Variants in TMEM200C observed in about 807,000 individuals in gnomAD.
TMEM200C encodes transmembrane protein TTMA.
For missense variants in TMEM200C, 966 were observed against 699.9 expected (o/e 1.38, Z -4.29); for synonymous variants, 462 against 324.7 (o/e 1.42, Z -4.55).
At chr18:5,895,055 C>A (rs1305504731) in exon 2 of TMEM200C, 2 of 152,290 alleles carry the variant, frequency 1.3e-5, no homozygotes, top group African/African-American at 4.8e-5. Context: ...GAGGTCGGGG[C>A]CGGCGAACGG....
chr18:5,891,812 C>G lies in TMEM200C; in HGVS notation c.252G>C (p.Glu84Asp). The change falls in exon 3 of 3, where the codon GAG becomes GAC. Residue 84 changes from glutamate (E) to aspartate (D), a missense_variant. By Grantham distance (45) the Glu-to-Asp change is conservative. Coordinates refer to ENST00000581347, the Ensembl canonical transcript of TMEM200C. This position sits in a 1 kb window ranked among gnomAD's most constrained non-coding sequence, Gnocchi z 4.7. Reference sequence around the variant, plus strand: ...CCGCAGGCGGCAGCTGCTTACCCCCCTCCCGATTGGTCCCGGTGGCCTTGG... The same window carrying G: ...CCGCAGGCGGCAGCTGCTTACCCCCGTCCCGATTGGTCCCGGTGGCCTTGG... 6.2e-7 allele frequency: 1 copy of G among 1,605,516 alleles called. No individual in the cohort carries two copies. Among genetic ancestry groups the G allele is most frequent in the Admixed American group, 1.7e-5 (1 of 60,026 alleles).
At chr18:5,882,654 T>C (rs1414038337) in exon 3 of TMEM200C, 1 of 152,132 alleles carries the variant, frequency 6.6e-6, no homozygotes, top group African/African-American at 2.4e-5. Context: ...CGCAAACAAT[T>C]ACTTATTATT....
In TMEM200C at chr18:5,892,423, C is replaced by A. The variant is rs193186159; in HGVS notation, c.-94-266G>T. ...AAACCATCTGAGAATATGCCTTCTT[C>A]TCCTCGCTCCCCACCCATCTCCTCC... On this transcript the variant is annotated intron_variant, in intron 2 of 2. Transcript: ENST00000581347. Among the ~76,000 whole-genome samples, 7 of 152,310 alleles carry A rather than the reference C, an allele frequency of 4.6e-5. No individual in the cohort carries two copies. In the East Asian group the frequency reaches 1.4e-3, roughly 29 times the overall value.
In TMEM200C at chr18:5,891,977, C is replaced by T. The variant is rs950329444; in HGVS notation, c.87G>A (p.Arg29=). 1.2e-6 allele frequency: 2 copies of T among 1,613,888 alleles called. No homozygotes were observed. The highest frequency in any genetic ancestry group is 1.7e-6 in the Non-Finnish European group (2 of 1,179,916). Residue 29 remains arginine (R), a synonymous_variant, in exon 3 of 3, where the codon CGG becomes CGA. Coordinates refer to ENST00000581347, the Ensembl canonical transcript of TMEM200C. The surrounding 1 kb of genome is among the most constrained non-coding windows in gnomAD (Gnocchi z 4.7). Reference sequence around the variant, plus strand: ...CGTTCTTGCGCCTCTTCTTGGCTTTCCGCTTGCGCTTGGGTATCTGGCTTG... The same window carrying T: ...CGTTCTTGCGCCTCTTCTTGGCTTTTCGCTTGCGCTTGGGTATCTGGCTTG...
chr18:5,890,886 TC>T lies in TMEM200C; in HGVS notation c.1177del (p.Asp393ThrfsTer28). The T allele has an allele frequency of 4.4e-6, 3 of 682,120 alleles. No homozygotes were observed. Among genetic ancestry groups the T allele is most frequent in the African/African-American group, 3.6e-5 (2 of 54,802 alleles). 42.3% of individuals were successfully genotyped at this position (682,120 alleles called of 1,614,324 possible). The stretch of plus-strand genomic sequence containing the variant: ...CCAGCTGCAGCTCGCGCCCTCCGCG[TC>T]CCCGCCCCTATCGCGGCCCCCTTGC... On this transcript the variant is annotated frameshift_variant, in exon 3 of 3. Transcript: ENST00000581347. LOFTEE classifies it low-confidence loss of function (END_TRUNC).
In TMEM200C at chr18:5,890,239, C is replaced by T. The variant is rs372051622; in HGVS notation, c.1825G>A (p.Ala609Thr). 7 of 1,580,852 alleles carry T rather than the reference C, an allele frequency of 4.4e-6. No homozygotes were observed. The African/African-American group carries it at 6.7e-5, about 15-fold the overall frequency. ...TCCAGTTCTTCTTCTACCCCTATGGCATGAGACCTGGAAATCATGATGAGT... is the reference window on the plus strand; with the variant it reads ...TCCAGTTCTTCTTCTACCCCTATGGTATGAGACCTGGAAATCATGATGAGT... The change falls in exon 3 of 3, where the codon GCC becomes ACC. Residue 609 changes from alanine (A) to threonine (T), a missense_variant. Ala to Thr is a moderately conservative substitution (Grantham distance 58). Coordinates refer to ENST00000581347, the Ensembl canonical transcript of TMEM200C.
In TMEM200C at chr18:5,885,071, G is replaced by GT. The variant is rs1489368604; in HGVS notation, c.*5126dup. The GT allele has an allele frequency of 3.9e-5, 6 of 152,238 alleles. No homozygotes were observed. In the South Asian group the frequency reaches 1.0e-3, roughly 26 times the overall value. The allele number at this position is 152,238 out of a possible 1,614,324, so 9.4% of individuals were successfully genotyped here. Reference sequence around the variant, plus strand: ...AAAGAATATTTGCTAAGGAATAAAAGTTATTGCAATTTTTAAGACACTTTA... The same window carrying GT: ...AAAGAATATTTGCTAAGGAATAAAAGTTTATTGCAATTTTTAAGACACTTTA... On this transcript the variant is annotated 3_prime_UTR_variant, in exon 3 of 3. Transcript: ENST00000581347.
exon 3 of TMEM200C, chr18:5,888,561 T>C (rs2095167194): frequency 6.6e-6 from 1 of 152,190 alleles, no homozygotes; most frequent in Non-Finnish European, 1.5e-5. Context: ...AGGGATTAAG[T>C]GATTTGTCTA....
exon 3 of TMEM200C, chr18:5,882,769 T>C (rs1414030776): frequency 6.6e-6 from 1 of 152,076 alleles, no homozygotes; most frequent in Admixed American, 6.6e-5. Flanking sequence ...CCAAGCAAGA[T>C]TAATAAATCA....
chr18:5,882,080 G>T (rs1051079112), exon 3 of TMEM200C: 1 of 152,124 alleles, frequency 6.6e-6, no homozygotes, highest in Non-Finnish European at 1.5e-5. Context: ...CCACCATTGC[G>T]TAAACCAGTT....
exon 3 of TMEM200C, chr18:5,888,278 A>G (rs2095166914): frequency 6.6e-6 from 1 of 152,224 alleles, no homozygotes; most frequent in South Asian, 2.1e-4. Flanking sequence ...CCTTAGTGCA[A>G]ACTCACTTTT....
At chr18:5,890,542 G>A in exon 3 of TMEM200C, 1 of 1,465,302 alleles carries the variant, frequency 6.8e-7, no homozygotes, top group African/African-American at 1.4e-5. Context: ...CGCAGGGGTG[G>A]CGAGGGGGAG....
exon 3 of TMEM200C, chr18:5,887,624 T>G (rs2095166339): frequency 1.3e-5 from 2 of 152,226 alleles, no homozygotes; most frequent in Non-Finnish European, 2.9e-5. Context: ...TGTCTTTCTC[T>G]GCAAAACAGC....
At chr18:5,882,667 T>C (rs2095162621) in exon 3 of TMEM200C, 1 of 152,168 alleles carries the variant, frequency 6.6e-6, no homozygotes, top group Non-Finnish European at 1.5e-5. Context: ...TTATTATTAG[T>C]GCTCAAATTA....
chr18:5,882,934 C>CT (rs1395475008), exon 3 of TMEM200C: 1 of 152,064 alleles, frequency 6.6e-6, no homozygotes, highest in East Asian at 1.9e-4. Context: ...TTTAGGTCAC[C>CT]AAATTAGTCT....
chr18:5,891,158 C>T lies in TMEM200C; in HGVS notation c.906G>A (p.Pro302=), dbSNP rs2095170446. The change falls in exon 3 of 3, where the codon CCG becomes CCA. Residue 302 remains proline, a synonymous_variant. Transcript: ENST00000581347. The surrounding 1 kb of genome is among the most constrained non-coding windows in gnomAD (Gnocchi z 4.7). ...AGCGCGGGGAAGAGGCCAGGTCCGG[C>T]GGGGACGCGGCGCCCCGAGGGCGGC... The T allele has an allele frequency of 5.6e-6, 3 of 537,896 alleles. No homozygotes were observed. Among genetic ancestry groups the T allele is most frequent in the Admixed American group, 4.5e-5 (1 of 22,298 alleles). The allele number at this position is 537,896 out of a possible 1,614,324, so 33.3% of individuals were successfully genotyped here.
chr18:5,894,752 T>C (rs1176134984), intron 2 of TMEM200C, among the ~76,000 whole-genome samples: 1 of 152,182 alleles, frequency 6.6e-6, no homozygotes, highest in Non-Finnish European at 1.5e-5. Flanking sequence ...CTGGCTTTGG[T>C]CTGCTTATTG....
At chr18:5,894,268 C>T (rs2095173872) in intron 2 of TMEM200C, among the ~76,000 whole-genome samples, 1 of 152,192 alleles carries the variant, frequency 6.6e-6, no homozygotes, top group Non-Finnish European at 1.5e-5. Context: ...GAATGGATTT[C>T]AACAGTCCTT....
At chr18:5,886,023 T>G (rs2095165083) in exon 3 of TMEM200C, 1 of 146,024 alleles carries the variant, frequency 6.8e-6, no homozygotes, top group Non-Finnish European at 1.6e-5. Context: ...CAAGAAGATC[T>G]TATTTATAAA....
Sources: gnomAD v4.1 joint callset for allele counts (sites outside exome capture counted in the v4.1 genomes callset) on GRCh38, gnomAD v4.1.1 for gene constraint, Gnocchi (gnomAD v3.1) non-coding constraint, MANE v1.5 for transcripts, NCBI Gene and HGNC (gene_info 2026-07-23, HGNC 2026-07-21) for gene names.